TVP23C: variants seen among roughly 807,000 people sequenced by gnomAD.
TVP23C encodes the protein Golgi apparatus membrane protein TVP23 homolog C.
TVP23C carries 19 observed loss-of-function variants against 28.7 expected under a neutral mutation model. That is an observed-to-expected ratio of 0.66 (90% CI 0.46 to 0.97). TVP23C has a LOEUF of 0.97. Ranked by LOEUF, TVP23C falls within the 50% of genes least tolerant of loss-of-function variation. The pLI is 0.00. For missense variants in TVP23C, 186 were observed against 241.3 expected, an observed-to-expected ratio of 0.77 and a Z score of 1.52; for synonymous variants, 68 against 81.7, an observed-to-expected ratio of 0.83 and a Z score of 0.90.
intron 5 of TVP23C, among the ~76,000 whole-genome samples, chr17:15,521,273 G>A (rs1463891993): frequency 1.3e-5 from 2 of 152,144 alleles, no homozygotes; most frequent in African/African-American, 2.4e-5. Flanking sequence ...GGGAGGTTGA[G>A]GCAGGCAGAT....
At chr17:15,535,448 C>T (rs1326830661), downstream of TVP23C, among the ~76,000 whole-genome samples, 16 of 150,718 alleles carry the variant, frequency 1.1e-4, no homozygotes, top group African/African-American at 3.9e-4. Context: ...CTAGCTGAGG[C>T]CACAGCTGAC....
downstream of TVP23C, among the ~76,000 whole-genome samples, chr17:15,533,783 T>C (rs1983040581): frequency 6.6e-6 from 1 of 152,184 alleles, no homozygotes; most frequent in Non-Finnish European, 1.5e-5. Flanking sequence ...GGTTTTACTC[T>C]GGATTAAGTG....
rs941144213 is a variant in TVP23C, at chr17:15,538,566, G to A, written c.*1846C>T. On this transcript the variant is annotated 3_prime_UTR_variant, in exon 6 of 6. Coordinates refer to ENST00000518321, the MANE Select transcript of TVP23C (RefSeq NM_001135036.2). The stretch of plus-strand genomic sequence containing the variant: ...GATCGCGCCACTGCACTCCAGCCTG[G>A]GCAAACAGAGTGAGACTCTGTCTCA... 6 of 967,914 alleles carry A rather than the reference G, an allele frequency of 6.2e-6. No individual in the cohort carries two copies. In the African/African-American group the frequency reaches 1.1e-4, roughly 17 times the overall value. The allele number at this position is 967,914 out of a possible 1,614,324, so 60.0% of individuals were successfully genotyped here. A position where few individuals can be genotyped will look rare whatever the true frequency, so the allele number is the denominator to read the frequency against.
downstream of TVP23C, among the ~76,000 whole-genome samples, chr17:15,534,964 A>G (rs1983097508): frequency 6.6e-6 from 1 of 151,062 alleles, no homozygotes; most frequent in Non-Finnish European, 1.5e-5. Flanking sequence ...GAGAAACTCC[A>G]TGTCAAAATA....
chr17:15,532,417 T>C (rs751762279), downstream of TVP23C, among the ~76,000 whole-genome samples: 2 of 152,110 alleles, frequency 1.3e-5, no homozygotes, highest in Admixed American at 1.3e-4. Flanking sequence ...AAACCTATCT[T>C]GGGGGGACTC....
intron 3 of TVP23C, among the ~76,000 whole-genome samples, chr17:15,548,578 T>C (rs1312735649): frequency 3.3e-5 from 5 of 152,310 alleles, no homozygotes; most frequent in East Asian, 3.9e-4. Context: ...CCTGACACAA[T>C]AGAAACCACA....
At chr17:15,506,882 T>C (rs1981775033) in intron 5 of TVP23C, 4 of 810,210 alleles carry the variant, frequency 4.9e-6, no homozygotes, top group Admixed American at 3.7e-5. Context: ...AACCCCACCA[T>C]GTTCTTCAAC....
At chr17:15,562,770 C>T (rs1984457453) in intron 1 of TVP23C, 1 of 152,282 alleles carries the variant, frequency 6.6e-6, no homozygotes, top group Non-Finnish European at 1.5e-5. Flanking sequence ...CTTCCCTAAC[C>T]CGAAAATACG....
chr17:15,517,668 T>C (rs763305123), intron 5 of TVP23C, among the ~76,000 whole-genome samples: 14 of 152,148 alleles, frequency 9.2e-5, no homozygotes, highest in Non-Finnish European at 1.9e-4. Flanking sequence ...TTACCTAGGT[T>C]GTCTCATTAA....
exon 6 of TVP23C, chr17:15,502,607 G>C (rs2074366917): frequency 6.1e-6 from 3 of 493,090 alleles, no homozygotes; most frequent in Non-Finnish European, 9.9e-6. Flanking sequence ...AGGCGTGCTG[G>C]GGGCTGCTTG....
intron 5 of TVP23C, chr17:15,507,213 A>C: frequency 1.4e-6 from 1 of 732,064 alleles, no homozygotes; most frequent in Non-Finnish European, 2.5e-6. Flanking sequence ...CACTGCCAAG[A>C]CAGCGTGGTT....
Position 15,537,972 on chromosome 17 carries a change from A to G in TVP23C, c.*2440T>C. 1 of 1,460,866 alleles carries G rather than the reference A, an allele frequency of 6.8e-7. No individual in the cohort carries two copies. Among genetic ancestry groups the G allele is most frequent in the Non-Finnish European group, 9.0e-7 (1 of 1,107,870 alleles). 90.5% of individuals were successfully genotyped at this position (1,460,866 alleles called of 1,614,324 possible). A position where few individuals can be genotyped will look rare whatever the true frequency, so the allele number is the denominator to read the frequency against. Reference sequence around the variant, plus strand: ...CTGCTGGAAAGGAAATAAAAACTTAATATGAAAACTACTTTTCCTTTTTAT... The same window carrying G: ...CTGCTGGAAAGGAAATAAAAACTTAGTATGAAAACTACTTTTCCTTTTTAT... On this transcript the variant is annotated 3_prime_UTR_variant, in exon 6 of 6. Transcript: ENST00000518321.
intron 1 of TVP23C, among the ~76,000 whole-genome samples, chr17:15,557,449 C>T (rs2150862380): frequency 6.8e-6 from 1 of 148,050 alleles, no homozygotes; most frequent in Non-Finnish European, 1.5e-5. Context: ...TGTGTCTCGG[C>T]TAATTAGCCT....
intron 1 of TVP23C, among the ~76,000 whole-genome samples, chr17:15,559,522 T>A (rs1009762819): frequency 8.1e-5 from 12 of 148,382 alleles, no homozygotes; most frequent in Admixed American, 6.2e-4. Context: ...AGTGTAAGAC[T>A]GCATGTTCTG....
At chr17:15,546,241 T>C (rs1240997925) in intron 4 of TVP23C, among the ~76,000 whole-genome samples, 3 of 152,264 alleles carry the variant, frequency 2.0e-5, no homozygotes, top group African/African-American at 4.8e-5. Context: ...GATACCTTTC[T>C]GACCAATGAT....
At chr17:15,505,522 G>A (rs1981684225) in intron 5 of TVP23C, among the ~76,000 whole-genome samples, 4 of 152,180 alleles carry the variant, frequency 2.6e-5, no homozygotes, top group South Asian at 2.1e-4. Context: ...CTATTGAGAG[G>A]TGACAGCGTG....
chr17:15,506,750 A>G, intron 5 of TVP23C: 3 of 375,310 alleles, frequency 8.0e-6, no homozygotes, highest in South Asian at 2.2e-5. Context: ...TCCGAACATC[A>G]GAAGGAACAA....
chr17:15,516,816 A>T (rs1229074500), intron 5 of TVP23C, among the ~76,000 whole-genome samples: 1 of 152,176 alleles, frequency 6.6e-6, no homozygotes, highest in African/African-American at 2.4e-5. Flanking sequence ...AACATCCAGC[A>T]GGTGTATCAC....
At chr17:15,546,278 T>C (rs1983643400) in intron 4 of TVP23C, among the ~76,000 whole-genome samples, 1 of 152,106 alleles carries the variant, frequency 6.6e-6, no homozygotes, top group Non-Finnish European at 1.5e-5. Flanking sequence ...ATAATCATTC[T>C]GGAGACTAAA....
Sources: gnomAD v4.1 joint callset for allele counts (sites outside exome capture counted in the v4.1 genomes callset) on GRCh38, gnomAD v4.1.1 for gene constraint, MANE v1.5 for transcripts, NCBI Gene and HGNC (gene_info 2026-07-23, HGNC 2026-07-21) for gene names.